Variants in MFN1 observed in about 807,000 individuals in gnomAD.
MFN1 encodes the protein mitofusin-1.
A neutral mutation model predicts 92.4 loss-of-function variants in MFN1; 65 were observed. That is an observed-to-expected ratio of 0.70 (90% CI 0.58 to 0.86). The LOEUF (loss-of-function observed/expected upper bound fraction) is 0.86, where lower values mean the gene tolerates loss of function less well. Ranked by LOEUF, MFN1 falls within the 40% of genes least tolerant of loss-of-function variation. The pLI is 0.00. For missense variants in MFN1, 781 were observed against 868.0 expected (o/e 0.90, Z 1.26); for synonymous variants, 297 against 300.9 (o/e 0.99, Z 0.13).
intron 12 of MFN1, 188 bp from the exon 13 acceptor site, chr3:179,378,153 G>C: frequency 1.7e-6 from 1 of 578,930 alleles, no homozygotes; most frequent in Non-Finnish European, 3.0e-6. Flanking sequence ...GAGCCTAGGA[G>C]GTCAAGGCTA....
intron 3 of MFN1, among the ~76,000 whole-genome samples, chr3:179,354,494 G>A (rs1473165718): frequency 3.9e-5 from 6 of 152,142 alleles, no homozygotes; most frequent in East Asian, 1.9e-4. Flanking sequence ...ATGAGAACAG[G>A]GGTAGGAGGC....
At chr3:179,371,096 C>T (rs191730111) in intron 9 of MFN1, among the ~76,000 whole-genome samples, 1 of 152,070 alleles carries the variant, frequency 6.6e-6, no homozygotes, top group African/African-American at 2.4e-5. Flanking sequence ...ATCAATTTGA[C>T]CTGTGCCGTG....
chr3:179,364,528 T>C, intron 6 of MFN1, 123 bp downstream of exon 6: 1 of 704,496 alleles, frequency 1.4e-6, no homozygotes, highest in Non-Finnish European at 2.4e-6. Flanking sequence ...CAGGCATGAA[T>C]GAAGGGGTTT....
intron 9 of MFN1, among the ~76,000 whole-genome samples, chr3:179,369,441 A>G (rs563661361): frequency 6.6e-6 from 1 of 152,072 alleles, no homozygotes; most frequent in Non-Finnish European, 1.5e-5. Context: ...TATGTGTTTT[A>G]TGTATGTTTA....
At chr3:179,388,601 A>G (rs1465930829) in intron 16 of MFN1, among the ~76,000 whole-genome samples, 1 of 152,242 alleles carries the variant, frequency 6.6e-6, no homozygotes, top group Non-Finnish European at 1.5e-5. Flanking sequence ...ACATTTACAT[A>G]ATTATAATAC....
intron 17 of MFN1, among the ~76,000 whole-genome samples, chr3:179,391,179 A>T (rs946357605): frequency 6.6e-6 from 1 of 152,088 alleles, no homozygotes; most frequent in Admixed American, 6.6e-5. Flanking sequence ...GTTTTGATTT[A>T]TTCAGCTTTT....
chr3:179,368,709 G>A (rs78697524), intron 9 of MFN1, among the ~76,000 whole-genome samples: 2,210 of 152,230 alleles, frequency 0.015, 61 homozygotes, highest in African/African-American at 0.051. Flanking sequence ...TTCTTATGTT[G>A]CATTGTAAGT....
chr3:179,388,861 G>T (rs940094239), intron 16 of MFN1, among the ~76,000 whole-genome samples: 3 of 152,224 alleles, frequency 2.0e-5, no homozygotes, highest in African/African-American at 7.2e-5. Context: ...TGGCACATGT[G>T]TATCTAAGCT....
At position 179,362,450 on chromosome 3, in the gene MFN1, C is replaced by T. The variant is rs757416104; in HGVS notation, c.504C>T (p.Ala168=). The T allele has an allele frequency of 1.7e-5, 28 of 1,613,506 alleles. No individual in the cohort carries two copies. In the South Asian group the frequency reaches 2.9e-4, roughly 16 times the overall value. ...TGTTTTGGCCAAAAGCAAAATGTGCCCTCTTGAGAGATGACCTGGTGTTAG... is the reference window on the plus strand; with the variant it reads ...TGTTTTGGCCAAAAGCAAAATGTGCTCTCTTGAGAGATGACCTGGTGTTAG... ...VRVFWPKAKC[A]LLRDDLVLVD... The change falls in exon 5 of 18, where the codon GCC becomes GCT. Residue 168 remains alanine (A), a synonymous_variant. Coordinates refer to ENST00000471841, the MANE Select transcript of MFN1 (RefSeq NM_033540.3).
Position 179,385,626 on chromosome 3 carries a change from A to C in MFN1, c.1720A>C (p.Asn574His). The C allele has an allele frequency of 6.2e-7, 1 of 1,613,754 alleles. No individual in the cohort carries two copies. The highest frequency in any genetic ancestry group is 8.5e-7 in the Non-Finnish European group (1 of 1,179,930). Residue 574 changes from asparagine (N) to histidine (H), a missense_variant, in exon 15 of 18, where the codon AAT (asparagine) becomes CAT (histidine). Asn to His is a moderately conservative substitution (Grantham distance 68, BLOSUM62 1). Transcript: ENST00000471841. ...TCCTACCACTCCAGCAACGCCAGATAATGCATCACAGGAAGAACTCATGAT... is the reference window on the plus strand; with the variant it reads ...TCCTACCACTCCAGCAACGCCAGATCATGCATCACAGGAAGAACTCATGAT... Reference protein sequence around the residue: ...TAPTTPATPDNASQEELMITL... With the variant: ...TAPTTPATPDHASQEELMITL...
At chr3:179,382,691 G>A (rs1468392186) in intron 14 of MFN1, among the ~76,000 whole-genome samples, 2 of 152,188 alleles carry the variant, frequency 1.3e-5, no homozygotes, top group African/African-American at 4.8e-5. Flanking sequence ...CCCACCAACA[G>A]TGTAAAAGTG....
chr3:179,370,704 C>A (rs1293860283), intron 9 of MFN1, among the ~76,000 whole-genome samples: 20 of 152,186 alleles, frequency 1.3e-4, no homozygotes, highest in Admixed American at 1.2e-3. Flanking sequence ...GCCACCGTGC[C>A]TGGCCTGTGT....
chr3:179,353,365 C>G (rs1712229716), intron 3 of MFN1, among the ~76,000 whole-genome samples: 1 of 148,242 alleles, frequency 6.7e-6, no homozygotes, highest in South Asian at 2.2e-4. Flanking sequence ...CGCGCCTGGC[C>G]CCAGCATAAT....
intron 3 of MFN1, among the ~76,000 whole-genome samples, chr3:179,356,847 T>C (rs1381371849): frequency 6.6e-6 from 1 of 152,170 alleles, no homozygotes; most frequent in African/African-American, 2.4e-5. Context: ...ACCCAATGTA[T>C]GCAGCAAGTT....
intron 5 of MFN1, among the ~76,000 whole-genome samples, chr3:179,363,526 G>A (rs1212577264): frequency 6.6e-6 from 1 of 150,758 alleles, no homozygotes; most frequent in African/African-American, 2.4e-5. Context: ...GGGTCTTGCT[G>A]TGTTGCCCAG....
chr3:179,378,082 A>G (rs1259360518), intron 12 of MFN1: 2 of 378,270 alleles, frequency 5.3e-6, no homozygotes, highest in Non-Finnish European at 9.5e-6. Flanking sequence ...AAAATAGCCA[A>G]GCATGGCGAC....
intron 5 of MFN1, 85 bp downstream of exon 5, chr3:179,362,567 T>C: frequency 8.0e-7 from 1 of 1,252,204 alleles, no homozygotes; most frequent in Non-Finnish European, 1.1e-6. Context: ...TATAAAAAAT[T>C]ACAACATTCA....
intron 14 of MFN1, among the ~76,000 whole-genome samples, chr3:179,384,123 T>C (rs1364745509): frequency 1.3e-5 from 2 of 152,206 alleles, no homozygotes; most frequent in African/African-American, 4.8e-5. Flanking sequence ...GTTTTCAAGG[T>C]TTATCATCAT....
chr3:179,352,706 G>A (rs374264774), intron 3 of MFN1, among the ~76,000 whole-genome samples: 2 of 152,010 alleles, frequency 1.3e-5, no homozygotes, highest in Non-Finnish European at 2.9e-5. Flanking sequence ...GCCATTCCAT[G>A]CATTCCAGAT....
Sources: allele counts gnomAD v4.1 joint callset (sites outside exome capture counted in the v4.1 genomes callset), GRCh38; gene constraint gnomAD v4.1.1; transcripts MANE v1.5; gene names NCBI Gene and HGNC (gene_info 2026-07-23, HGNC 2026-07-21).